The following CSMD2 variants were observed in gnomAD, a reference collection of about 807,000 sequenced individuals.
CSMD2 encodes the protein CUB and Sushi multiple domains 2.
Under a neutral mutation model 398.5 loss-of-function variants are expected in CSMD2, and 130 were observed. That is an observed-to-expected ratio of 0.33 (90% CI 0.28 to 0.38). The LOEUF is 0.38. Among genes scored for constraint, CSMD2 ranks in the 10% least tolerant of loss-of-function variants. The pLI is 1.00. For synonymous variants in CSMD2, 1,828 were observed against 1,908.5 expected (o/e 0.96, Z 1.10); for missense variants, 3,829 against 4,764.9 (o/e 0.80, Z 5.78).
intron 5 of CSMD2, among the ~76,000 whole-genome samples, chr1:33,855,409 G>T (rs1412492951): frequency 6.6e-6 from 1 of 152,146 alleles, no homozygotes; most frequent in Non-Finnish European, 1.5e-5. Context: ...GAGAAGGGCT[G>T]AGTACTCACT....
At position 34,058,965 on chromosome 1, in the gene CSMD2, G is replaced by A. The variant is rs115312307; in HGVS notation, c.405-26259C>T. 5.8e-3 allele frequency among the ~76,000 whole-genome samples: 879 copies of A among 152,024 alleles called. 3 individuals are homozygous for A. Among genetic ancestry groups the A allele is most frequent in the East Asian group, 0.013 (65 of 5,170 alleles). On this transcript the variant is annotated intron_variant, in intron 2 of 70. Coordinates refer to ENST00000373381, the MANE Select transcript of CSMD2 (RefSeq NM_001281956.2). ...TAGGACCTGCTGCTTCTTAGGTGGCGGTCAGTGAATGTCCTAGGCAAAGAA... is the reference window on the plus strand; with the variant it reads ...TAGGACCTGCTGCTTCTTAGGTGGCAGTCAGTGAATGTCCTAGGCAAAGAA...
intron 39 of CSMD2, 30 bp from the exon 40 acceptor site, chr1:33,614,650 G>T: frequency 7.5e-7 from 1 of 1,337,402 alleles, no homozygotes; most frequent in Non-Finnish European, 1.1e-6. Context: ...CAGAGGGTCA[G>T]GACAACATCA....
chr1:33,587,519 C>T (rs373452199), intron 44 of CSMD2, among the ~76,000 whole-genome samples: 6 of 152,278 alleles, frequency 3.9e-5, no homozygotes, highest in African/African-American at 1.4e-4. Flanking sequence ...GGTGCTCTTA[C>T]TCTACTCGTG....
chr1:33,714,518 C>T, intron 21 of CSMD2, 69 bp downstream of exon 21: 3 of 1,539,074 alleles, frequency 1.9e-6, no homozygotes, highest in Non-Finnish European at 2.7e-6. Flanking sequence ...CGTCCACCAC[C>T]TCACATCAAT....
At chr1:34,128,671 A>G (rs2148490805) in intron 1 of CSMD2, among the ~76,000 whole-genome samples, 1 of 152,292 alleles carries the variant, frequency 6.6e-6, no homozygotes, top group South Asian at 2.1e-4. Context: ...GTTACCAGGC[A>G]TGGTTGTCAA....
rs374057457 is a variant in CSMD2, at chr1:33,652,848, A to G, written c.4448-387T>C. ...CGGCTCACTGCAAGCTCCGCCTCCC[A>G]GGTTCACACCATTCTCCTGCCTCAG... On this transcript the variant is annotated intron_variant, in intron 27 of 70. Transcript: ENST00000373381. Among the ~76,000 whole-genome samples, 1,291 of 152,226 alleles carry G rather than the reference A, an allele frequency of 8.5e-3. 16 individuals carry two copies. Among genetic ancestry groups the G allele is most frequent in the Non-Finnish European group, 0.011 (742 of 68,004 alleles).
intron 48 of CSMD2, 97 bp downstream of exon 48, chr1:33,580,656 C>A (rs1638628422): frequency 7.4e-7 from 1 of 1,351,568 alleles, no homozygotes. Context: ...TCAGGTGAGG[C>A]AGATTTAGGA....
intron 60 of CSMD2, among the ~76,000 whole-genome samples, chr1:33,539,311 C>T (rs58513974): frequency 1.6e-4 from 25 of 152,174 alleles, no homozygotes; most frequent in African/African-American, 3.6e-4. Flanking sequence ...CTGCTTCTAA[C>T]GTGATTAAGT....
intron 10 of CSMD2, among the ~76,000 whole-genome samples, chr1:33,799,783 C>G (rs12737807): frequency 2.0e-5 from 3 of 151,970 alleles, no homozygotes; most frequent in Non-Finnish European, 4.4e-5. Flanking sequence ...GCATGAGACC[C>G]GGAGGGAACC....
At chr1:33,989,167 T>A (rs557226981) in intron 3 of CSMD2, among the ~76,000 whole-genome samples, 9 of 150,088 alleles carry the variant, frequency 6.0e-5, no homozygotes, top group Admixed American at 1.3e-4. Flanking sequence ...ATAAGACAAA[T>A]AATTCAATTT....
intron 1 of CSMD2, among the ~76,000 whole-genome samples, chr1:34,141,816 C>A (rs529740536): frequency 1.3e-5 from 2 of 152,112 alleles, no homozygotes; most frequent in African/African-American, 4.8e-5. Context: ...GGAGGGAAAC[C>A]AGGGAAGGGT....
chr1:33,678,840 C>T (rs1644807898), intron 25 of CSMD2, among the ~76,000 whole-genome samples: 1 of 152,148 alleles, frequency 6.6e-6, no homozygotes, highest in Admixed American at 6.5e-5. Flanking sequence ...GACCAGCTGG[C>T]ATGCAAAAGA....
At chr1:34,067,752 C>T (rs1477380861) in intron 2 of CSMD2, among the ~76,000 whole-genome samples, 3 of 152,182 alleles carry the variant, frequency 2.0e-5, no homozygotes, top group Non-Finnish European at 1.5e-5. Context: ...ATGACTGCCT[C>T]CTTCTTCAAT....
intron 1 of CSMD2, among the ~76,000 whole-genome samples, chr1:34,092,642 G>T (rs192502455): frequency 6.6e-6 from 1 of 152,228 alleles, no homozygotes; most frequent in African/African-American, 2.4e-5. Flanking sequence ...AAAGAAAGGG[G>T]TGACGGACGG....
At chr1:34,025,958 C>G (rs572275239) in intron 3 of CSMD2, among the ~76,000 whole-genome samples, 6 of 152,280 alleles carry the variant, frequency 3.9e-5, no homozygotes, top group African/African-American at 1.4e-4. Context: ...GGATTGTGAA[C>G]TATGAAGTTG....
intron 6 of CSMD2, among the ~76,000 whole-genome samples, chr1:33,840,296 G>A (rs1660721313): frequency 6.6e-6 from 1 of 152,198 alleles, no homozygotes; most frequent in Admixed American, 6.5e-5. Flanking sequence ...TGCGGCCTAA[G>A]CAATACTGTT....
At chr1:33,891,806 A>G (rs1401946280) in intron 5 of CSMD2, among the ~76,000 whole-genome samples, 79 of 149,624 alleles carry the variant, frequency 5.3e-4, no homozygotes, top group Non-Finnish European at 8.6e-4. Context: ...AGGACAAAAA[A>G]CCAAACACTG....
intron 2 of CSMD2, among the ~76,000 whole-genome samples, chr1:34,066,643 G>C (rs1046755490): frequency 9.9e-5 from 15 of 152,158 alleles, no homozygotes; most frequent in Non-Finnish European, 2.9e-5. Flanking sequence ...GCTCAAGAGA[G>C]GCAGGTGGAG....
intron 3 of CSMD2, among the ~76,000 whole-genome samples, chr1:33,969,496 C>G (rs990256026): frequency 1.3e-5 from 2 of 152,108 alleles, no homozygotes; most frequent in African/African-American, 4.8e-5. Flanking sequence ...TTATTTATTG[C>G]GTAGTTACAG....
Sources: gnomAD v4.1 joint callset for allele counts (sites outside exome capture counted in the v4.1 genomes callset) on GRCh38, gnomAD v4.1.1 for gene constraint, MANE v1.5 for transcripts, NCBI Gene and HGNC (gene_info 2026-07-23, HGNC 2026-07-21) for gene names.